The following IRAK3 variants were observed in gnomAD, a reference collection of about 807,000 sequenced individuals.
IRAK3 encodes the protein interleukin-1 receptor-associated kinase 3.
In IRAK3, 57 loss-of-function variants were observed where a neutral mutation model predicts 56.6. The observed-to-expected ratio is 1.01, with a 90% CI of 0.81 to 1.26. IRAK3 has a LOEUF of 1.26. Ranked by LOEUF, IRAK3 falls within the 50% of genes most tolerant of loss-of-function variation. The probability of loss-of-function intolerance (pLI) is 0.00; values close to 1 mark genes in which losing one functional copy is unlikely to be tolerated. For synonymous variants in IRAK3, 258 were observed against 255.7 expected (o/e 1.01, Z -0.09); for missense variants, 703 against 719.0 (o/e 0.98, Z 0.25).
At position 66,219,903 on chromosome 12, in the gene IRAK3, T is replaced by G. The variant is rs189539656; in HGVS notation, c.653+2668T>G. ...GCCCATTTTTATCAGGTTATTTGCTTTTTTGCTATTGAATTGTATGAGTTC... is the reference window on the plus strand; with the variant it reads ...GCCCATTTTTATCAGGTTATTTGCTGTTTTGCTATTGAATTGTATGAGTTC... On this transcript the variant is annotated intron_variant, in intron 6 of 11. Transcript: ENST00000261233. Among the ~76,000 whole-genome samples the G allele has an allele frequency of 3.3e-5, 5 of 152,334 alleles. No individual in the cohort carries two copies. In the East Asian group the frequency reaches 9.6e-4, roughly 29 times the overall value.
At chr12:66,201,221 A>G (rs1178443816) in intron 1 of IRAK3, among the ~76,000 whole-genome samples, 1 of 152,190 alleles carries the variant, frequency 6.6e-6, no homozygotes, top group Non-Finnish European at 1.5e-5. Context: ...GAAGTCTCCC[A>G]TTGGTGGACA....
intron 6 of IRAK3, among the ~76,000 whole-genome samples, chr12:66,224,910 G>A (rs182413345): frequency 6.6e-6 from 1 of 152,148 alleles, no homozygotes; most frequent in African/African-American, 2.4e-5. Flanking sequence ...CTAACCTTCT[G>A]ATGTATATAA....
At chr12:66,206,591 A>G (rs950913679) in intron 2 of IRAK3, among the ~76,000 whole-genome samples, 2 of 152,208 alleles carry the variant, frequency 1.3e-5, no homozygotes, top group African/African-American at 4.8e-5. Context: ...CATTGTATCT[A>G]ATCCTTACAT....
chr12:66,234,146 G>C (rs2052876746), intron 8 of IRAK3: 6 of 1,614,044 alleles, frequency 3.7e-6, no homozygotes, highest in African/African-American at 1.3e-5. Flanking sequence ...TTGACCACTT[G>C]CCTCCTCAAC....
At chr12:66,233,738 C>G (rs566286985) in intron 8 of IRAK3, among the ~76,000 whole-genome samples, 2 of 150,660 alleles carry the variant, frequency 1.3e-5, no homozygotes, top group East Asian at 1.9e-4. Context: ...TCTTCACGGT[C>G]TTTGTGCATA....
chr12:66,240,400 A>G (rs2052954571), intron 8 of IRAK3, among the ~76,000 whole-genome samples: 1 of 152,210 alleles, frequency 6.6e-6, no homozygotes, highest in Admixed American at 6.5e-5. Context: ...AGACCTGCCT[A>G]GGTTCAGTGG....
intron 8 of IRAK3, among the ~76,000 whole-genome samples, chr12:66,239,189 T>C (rs1051010923): frequency 6.6e-6 from 1 of 152,214 alleles, no homozygotes; most frequent in African/African-American, 2.4e-5. Flanking sequence ...TATAAAATCA[T>C]GTTCTTTAAT....
intron 5 of IRAK3, 92 bp from the exon 6 acceptor site, chr12:66,217,079 T>G: frequency 1.1e-6 from 1 of 885,324 alleles, no homozygotes; most frequent in South Asian, 1.3e-5. Context: ...ACCAAAAAGT[T>G]CATCTAATTT....
At chr12:66,240,835 A>T (rs1333508061) in intron 8 of IRAK3, among the ~76,000 whole-genome samples, 7 of 148,236 alleles carry the variant, frequency 4.7e-5, no homozygotes, top group African/African-American at 1.7e-4. Flanking sequence ...TATATATATA[A>T]AATATATCGG....
intron 5 of IRAK3, among the ~76,000 whole-genome samples, chr12:66,215,792 A>ACGCGCG (rs1426815796): frequency 0.015 from 1,250 of 85,878 alleles, 39 homozygotes; most frequent in African/African-American, 0.038. Context: ...ACATGCACAC[A>ACGCGCG]CACACACACA....
intron 8 of IRAK3, chr12:66,234,265 C>A (rs1167532149): frequency 2.5e-6 from 4 of 1,613,158 alleles, no homozygotes; most frequent in Non-Finnish European, 3.4e-6. Context: ...GATGACTCAT[C>A]TGCTGGGCCA....
At chr12:66,209,973 C>T (rs2052595875) in intron 3 of IRAK3, among the ~76,000 whole-genome samples, 174 bp from the exon 4 acceptor site, 1 of 152,090 alleles carries the variant, frequency 6.6e-6, no homozygotes, top group South Asian at 2.1e-4. Flanking sequence ...TTAAATATGG[C>T]AATGAATGCT....
At chr12:66,244,235 C>T (rs2053003120) in intron 8 of IRAK3, among the ~76,000 whole-genome samples, 1 of 152,236 alleles carries the variant, frequency 6.6e-6, no homozygotes. Context: ...AGCAACTTCA[C>T]ATATGTATCT....
intron 11 of IRAK3, 123 bp from the exon 12 acceptor site, chr12:66,247,572 A>G (rs961546278): frequency 8.4e-6 from 6 of 711,106 alleles, no homozygotes; most frequent in African/African-American, 5.4e-5. Flanking sequence ...TTCTAATTCA[A>G]AATTCTATAG....
At chr12:66,233,507 G>T (rs2052866760) in intron 8 of IRAK3, among the ~76,000 whole-genome samples, 1 of 130,434 alleles carries the variant, frequency 7.7e-6, no homozygotes, top group Admixed American at 8.2e-5. Flanking sequence ...GACAGAGCGA[G>T]ACTCCGTCTC....
chr12:66,211,965 G>A (rs527981022), intron 5 of IRAK3, among the ~76,000 whole-genome samples: 29 of 152,228 alleles, frequency 1.9e-4, no homozygotes, highest in African/African-American at 7.0e-4. Flanking sequence ...ACAAGACTTA[G>A]CTGGGCGTGG....
intron 8 of IRAK3, chr12:66,234,294 C>A: frequency 1.2e-6 from 2 of 1,612,798 alleles, no homozygotes; most frequent in South Asian, 2.2e-5. Flanking sequence ...ATCATTGATG[C>A]GGGCTGTAGT....
intron 5 of IRAK3, among the ~76,000 whole-genome samples, chr12:66,215,396 T>C (rs1329236413): frequency 6.6e-6 from 1 of 152,174 alleles, no homozygotes; most frequent in Non-Finnish European, 1.5e-5. Flanking sequence ...ATTTCCTGGA[T>C]TGTCTTTGAC....
chr12:66,197,978 G>T (rs934111391), intron 1 of IRAK3: 2 of 985,106 alleles, frequency 2.0e-6, no homozygotes, highest in Non-Finnish European at 2.4e-6. Context: ...ACATTCCCTG[G>T]GACTTGAAAT....
Sources: allele counts gnomAD v4.1 joint callset (sites outside exome capture counted in the v4.1 genomes callset), GRCh38; gene constraint gnomAD v4.1.1; transcripts MANE v1.5; gene names NCBI Gene and HGNC (gene_info 2026-07-23, HGNC 2026-07-21).